ENTPD1: variants seen among roughly 807,000 people sequenced by gnomAD.
ENTPD1 encodes ATP diphosphohydrolase.
ENTPD1 carries 33 observed loss-of-function variants against 57.0 expected under a neutral mutation model. The observed-to-expected ratio is 0.58, with a 90% CI of 0.44 to 0.77. ENTPD1 has a LOEUF of 0.77. Among genes scored for constraint, ENTPD1 ranks in the 30% least tolerant of loss-of-function variants. ENTPD1 has a pLI of 0.00. For missense variants in ENTPD1, 501 were observed against 603.4 expected (o/e 0.83, Z 1.78); for synonymous variants, 202 against 218.8 (o/e 0.92, Z 0.68).
At position 95,764,894 on chromosome 10, in the gene ENTPD1, GTATTTTTA is replaced by G. The variant is rs1162422883; in HGVS notation, c.16+8640_16+8647del. Among the ~76,000 whole-genome samples the G allele has an allele frequency of 2.0e-5, 3 of 151,964 alleles. No individual in the cohort carries two copies. The East Asian group carries it at 5.8e-4, about 29-fold the overall frequency. ...TGTGCCACCACACCCGGCTAATTTTGTATTTTTAGTAGAGACGGGCTTTCACCATGTTG... is the reference window on the plus strand; with the variant it reads ...TGTGCCACCACACCCGGCTAATTTTGGTAGAGACGGGCTTTCACCATGTTG... On this transcript the variant is annotated intron_variant, in intron 1 of 9. Coordinates refer to ENST00000371205, the MANE Select transcript of ENTPD1 (RefSeq NM_001776.6).
chr10:95,868,687 G>A lies in ENTPD1; in HGVS notation c.*2304G>A, dbSNP rs944520761. ...ATCACACAAACTACTACATGGCAGA[G>A]CAGATACTCCAACTCATGTCTTCTG... On this transcript the variant is annotated 3_prime_UTR_variant, in exon 10 of 10. Transcript: ENST00000371205. 1.2e-5 allele frequency: 12 copies of A among 980,074 alleles called. No individual in the cohort carries two copies. The Middle Eastern group carries it at 2.1e-3, about 172-fold the overall frequency. The allele number at this position is 980,074 out of a possible 1,614,324, so 60.7% of individuals were successfully genotyped here. A position where few individuals can be genotyped will look rare whatever the true frequency, so the allele number is the denominator to read the frequency against.
chr10:95,832,390 TA>T (rs1252144490), intron 2 of ENTPD1, among the ~76,000 whole-genome samples: 8 of 151,184 alleles, frequency 5.3e-5, no homozygotes, highest in South Asian at 2.1e-4. Flanking sequence ...AATGAGAACT[TA>T]AAAAAAAATA....
chr10:95,725,987 G>A (rs1396223077), intron 1 of ENTPD1, among the ~76,000 whole-genome samples: 1 of 152,176 alleles, frequency 6.6e-6, no homozygotes, highest in African/African-American at 2.4e-5. Flanking sequence ...AAAGCTGCTG[G>A]TTTTCATGGC....
At chr10:95,726,651 G>T (rs1933169) in intron 1 of ENTPD1, among the ~76,000 whole-genome samples, 116,707 of 152,108 alleles carry the variant, frequency 0.77, 45,539 homozygotes, top group Middle Eastern at 0.86. Flanking sequence ...AGTCAAATTA[G>T]TTTCCTTCTA....
At chr10:95,822,926 A>G (rs2098358826) in intron 1 of ENTPD1, among the ~76,000 whole-genome samples, 1 of 152,238 alleles carries the variant, frequency 6.6e-6, no homozygotes, top group Admixed American at 6.5e-5. Flanking sequence ...CTACCTTGAT[A>G]GATCTGTGTG....
At chr10:95,703,368 T>C in the ENTPD1 span, among the ~76,000 whole-genome samples, 3 of 152,148 alleles carry the variant, frequency 2.0e-5, no homozygotes, top group African/African-American at 7.2e-5. Flanking sequence ...AATGTCAATA[T>C]AGAAAATTCA....
In ENTPD1 at chr10:95,866,451, G is replaced by T; in HGVS notation, c.*68G>T. 3.8e-6 allele frequency: 6 copies of T among 1,592,960 alleles called. No homozygotes were observed. Among genetic ancestry groups the T allele is most frequent in the Non-Finnish European group, 3.4e-6 (4 of 1,169,246 alleles). ...CGTCCAGGGAGCATTTTCCTCCATCGCAGTGTTCAAGGCCATCCTTCCCTG... is the reference window on the plus strand; with the variant it reads ...CGTCCAGGGAGCATTTTCCTCCATCTCAGTGTTCAAGGCCATCCTTCCCTG... On this transcript the variant is annotated 3_prime_UTR_variant, in exon 10 of 10. Transcript: ENST00000371205.
chr10:95,867,853 C>G lies in ENTPD1; in HGVS notation c.*1470C>G, dbSNP rs2098476093. Reference sequence around the variant, plus strand: ...AAATGTCCCCTATCTCTTGAATGATCAAGTCACTTTTGACAACATCCAGGT... The same window carrying G: ...AAATGTCCCCTATCTCTTGAATGATGAAGTCACTTTTGACAACATCCAGGT... On this transcript the variant is annotated 3_prime_UTR_variant, in exon 10 of 10. Transcript: ENST00000371205. 1.0e-6 allele frequency: 1 copy of G among 985,306 alleles called. No homozygotes were observed. Among genetic ancestry groups the G allele is most frequent in the African/African-American group, 1.7e-5 (1 of 57,222 alleles). The allele number at this position is 985,306 out of a possible 1,614,324, so 61.0% of individuals were successfully genotyped here.
chr10:95,758,002 C>CAAAAAAAAAA (rs57407553), intron 1 of ENTPD1, among the ~76,000 whole-genome samples: 277 of 26,394 alleles, frequency 0.01, 11 homozygotes, highest in Non-Finnish European at 0.014. Flanking sequence ...GACACTGTCT[C>CAAAAAAAAAA]AAAAAAAAAA....
chr10:95,695,072 AT>A, the ENTPD1 span, among the ~76,000 whole-genome samples: 1 of 150,954 alleles, frequency 6.6e-6, no homozygotes, highest in Non-Finnish European at 1.5e-5. Context: ...GGCTAATTTT[AT>A]TTTTATTTTT....
intron 7 of ENTPD1, among the ~76,000 whole-genome samples, chr10:95,856,671 T>C (rs189455847): frequency 0.011 from 1,676 of 146,766 alleles, 16 homozygotes; most frequent in Non-Finnish European, 0.016. Context: ...TATATATATA[T>C]ACACACACAT....
rs1197123531 is a variant in ENTPD1, at chr10:95,823,374, A to G, written c.144+10A>G. On this transcript the variant is annotated intron_variant, in intron 2 of 9. Coordinates refer to ENST00000371205, the MANE Select transcript of ENTPD1 (RefSeq NM_001776.6). Reference sequence around the variant, plus strand: ...GCCAGAAAACGTTAAGGTAAGTCAAATATATCTGTGTGTTTGTGTGTATGT... The same window carrying G: ...GCCAGAAAACGTTAAGGTAAGTCAAGTATATCTGTGTGTTTGTGTGTATGT... 7 of 1,613,752 alleles carry G rather than the reference A, an allele frequency of 4.3e-6. No homozygotes were observed. The highest frequency in any genetic ancestry group is 1.7e-5 in the Admixed American group (1 of 59,996).
the ENTPD1 span, among the ~76,000 whole-genome samples, chr10:95,706,067 C>A: frequency 1.3e-5 from 2 of 152,186 alleles, no homozygotes; most frequent in Admixed American, 6.5e-5. Context: ...CCACTGCATT[C>A]CTGCCTGGGT....
intron 6 of ENTPD1, chr10:95,845,957 T>C (rs1590129322): frequency 4.7e-6 from 1 of 214,982 alleles, no homozygotes; most frequent in East Asian, 1.1e-4. Context: ...CTCCCTTTCC[T>C]ACAAACTACA....
chr10:95,853,965 T>C (rs1396174876), intron 7 of ENTPD1, among the ~76,000 whole-genome samples: 1 of 152,226 alleles, frequency 6.6e-6, no homozygotes, highest in Non-Finnish European at 1.5e-5. Context: ...TTAGGGCAGA[T>C]TCCCTCTTTT....
At chr10:95,788,839 G>A (rs2098191329) in intron 1 of ENTPD1, among the ~76,000 whole-genome samples, 1 of 152,030 alleles carries the variant, frequency 6.6e-6, no homozygotes, top group South Asian at 2.1e-4. Flanking sequence ...TGGTAACTAT[G>A]GCTTTTATAA....
intron 1 of ENTPD1, among the ~76,000 whole-genome samples, chr10:95,792,492 G>T (rs542339000): frequency 6.6e-6 from 1 of 152,288 alleles, no homozygotes; most frequent in South Asian, 2.1e-4. Context: ...TTCATTGTGG[G>T]CATAGGGAGA....
chr10:95,803,510 T>A (rs533900605), intron 1 of ENTPD1, among the ~76,000 whole-genome samples: 6 of 152,380 alleles, frequency 3.9e-5, no homozygotes, highest in African/African-American at 1.4e-4. Flanking sequence ...TGTCCTCTTT[T>A]GAGAAGTGTC....
intron 1 of ENTPD1, among the ~76,000 whole-genome samples, chr10:95,717,823 C>T (rs556693773): frequency 1.3e-5 from 2 of 152,266 alleles, no homozygotes; most frequent in African/African-American, 4.8e-5. Flanking sequence ...CCTTCAATGC[C>T]ATTAACATCA....
Sources: allele counts gnomAD v4.1 joint callset (sites outside exome capture counted in the v4.1 genomes callset), GRCh38; gene constraint gnomAD v4.1.1; transcripts MANE v1.5; gene names NCBI Gene and HGNC (gene_info 2026-07-23, HGNC 2026-07-21).